PRPS1: variants seen among roughly 807,000 people sequenced by gnomAD.
PRPS1 encodes phosphoribosyl pyrophosphate synthetase 1.
Under a neutral mutation model 16.9 loss-of-function variants are expected in PRPS1, and 1 was observed. The ratio of observed to expected loss-of-function variants is 0.06; its 90% confidence interval spans 0.02 to 0.28. PRPS1 has a LOEUF of 0.28. PRPS1 is among the 10% of genes least tolerant of loss of function. The pLI, the probability that PRPS1 is intolerant of heterozygous loss-of-function variation, is 1.00. For missense variants in PRPS1, 47 were observed against 254.0 expected, an observed-to-expected ratio of 0.19 and a Z score of 5.54; for synonymous variants, 70 against 90.2, an observed-to-expected ratio of 0.78 and a Z score of 1.27.
chrX:107,644,781 C>A (rs1369617079), intron 4 of PRPS1, among the ~76,000 whole-genome samples: 1 of 111,329 alleles, frequency 9.0e-6, no homozygotes, highest in East Asian at 2.8e-4. Flanking sequence ...TTCTCCTCCC[C>A]AAAACAAGCC....
At chrX:107,636,118 GTTTGT>G (rs1020365675) in intron 1 of PRPS1, among the ~76,000 whole-genome samples, 1 of 107,788 alleles carries the variant, frequency 9.3e-6, no homozygotes, top group Admixed American at 1.0e-4. Context: ...ACCACTGCCT[GTTTGT>G]TTTGTTTTGT....
intron 1 of PRPS1, among the ~76,000 whole-genome samples, chrX:107,629,526 A>G (rs1925263034): frequency 8.9e-6 from 1 of 112,349 alleles, no homozygotes; most frequent in South Asian, 3.7e-4. Flanking sequence ...CGTATTTTTC[A>G]GTAACCGAGT....
intron 4 of PRPS1, 155 bp downstream of exon 4, chrX:107,642,645 T>TC (rs1925600878): frequency 1.5e-6 from 1 of 659,413 alleles, no homozygotes. Context: ...TTTTACCCTT[T>TC]CCTCTTTTAC....
Position 107,629,004 on chromosome X carries a change from C to T in PRPS1, c.122+254C>T, listed in dbSNP as rs138384709. On this transcript the variant is annotated intron_variant, in intron 1 of 6. Coordinates refer to ENST00000372435, the MANE Select transcript of PRPS1 (RefSeq NM_002764.4). ...AAGCTTCTGCGTTTGAGGGCAAGGG[C>T]TGGGGGACCCAATAGATAGTGGCTG... 7.2e-3 allele frequency among the ~76,000 whole-genome samples: 804 copies of T among 111,264 alleles called. 7 individuals are homozygous for T. Among genetic ancestry groups the T allele is most frequent in the African/African-American group, 0.025 (750 of 30,603 alleles).
intron 6 of PRPS1, among the ~76,000 whole-genome samples, chrX:107,648,950 G>A (rs1473842171): frequency 1.8e-5 from 2 of 109,996 alleles, no homozygotes; most frequent in African/African-American, 6.6e-5. Context: ...GTAGAGATGG[G>A]GTTTCTCCAT....
chrX:107,640,732 G>T (rs17847389), intron 2 of PRPS1, among the ~76,000 whole-genome samples, 170 bp from the exon 3 acceptor site: 1,468 of 112,192 alleles, frequency 0.013, 31 homozygotes, highest in Admixed American at 0.077. Flanking sequence ...CTTAATATTT[G>T]TTCTGAATTA....
At chrX:107,645,622 G>C (rs939392397) in intron 5 of PRPS1, among the ~76,000 whole-genome samples, 1 of 110,732 alleles carries the variant, frequency 9.0e-6, no homozygotes, top group Non-Finnish European at 1.9e-5. Context: ...ATAATTCCAT[G>C]ACATTAACTA....
intron 5 of PRPS1, 80 bp downstream of exon 5, chrX:107,645,430 C>G: frequency 9.0e-7 from 1 of 1,112,820 alleles, no homozygotes; most frequent in South Asian, 1.8e-5. Flanking sequence ...CCTGCTGATT[C>G]CTTTTGGAAC....
Position 107,628,758 on chromosome X carries a change from C to A in PRPS1, c.122+8C>A. The A allele has an allele frequency of 1.7e-6, 2 of 1,211,181 alleles. No individual in the cohort carries two copies. The highest frequency in any genetic ancestry group is 2.2e-6 in the Non-Finnish European group (2 of 895,248). On this transcript the variant is annotated splice_region_variant and intron_variant, in intron 1 of 6. Transcript: ENST00000372435. Reference sequence around the variant, plus strand: ...CAGCAACCAGGAGACCTGGTAAGGACCAAGTTGGGACCCTGACTAGACCTC... The same window carrying A: ...CAGCAACCAGGAGACCTGGTAAGGAACAAGTTGGGACCCTGACTAGACCTC...
At chrX:107,647,222 T>G (rs149278242) in intron 5 of PRPS1, among the ~76,000 whole-genome samples, 1 of 112,281 alleles carries the variant, frequency 8.9e-6, no homozygotes, top group African/African-American at 3.2e-5. Flanking sequence ...TGGCCAGCAT[T>G]TCCCCATGCG....
chrX:107,647,040 C>T (rs1169368640), intron 5 of PRPS1, among the ~76,000 whole-genome samples: 1 of 112,548 alleles, frequency 8.9e-6, no homozygotes, highest in Non-Finnish European at 1.9e-5. Flanking sequence ...AGTTCTTTCT[C>T]GATATGGACT....
chrX:107,648,883 C>A (rs1239359438), intron 6 of PRPS1, among the ~76,000 whole-genome samples: 2 of 111,120 alleles, frequency 1.8e-5, no homozygotes, highest in Non-Finnish European at 3.8e-5. Context: ...CCTCAGCCTC[C>A]CAAGTAGCTG....
chrX:107,643,757 G>T (rs1225695800), intron 4 of PRPS1, among the ~76,000 whole-genome samples: 1 of 111,789 alleles, frequency 8.9e-6, no homozygotes, highest in Admixed American at 9.5e-5. Flanking sequence ...CATTTGCCTT[G>T]GGTAAGTAAT....
chrX:107,647,488 T>A (rs1285742452), intron 5 of PRPS1, 118 bp from the exon 6 acceptor site: 5 of 848,087 alleles, frequency 5.9e-6, no homozygotes, highest in East Asian at 3.4e-5. Flanking sequence ...TTTATTTTTT[T>A]ATTTTTTTTC....
chrX:107,641,808 T>TA (rs978175956), intron 3 of PRPS1, among the ~76,000 whole-genome samples: 1 of 112,444 alleles, frequency 8.9e-6, no homozygotes, highest in Admixed American at 9.4e-5. Context: ...TTCAATGAAG[T>TA]ACATTGGACA....
At chrX:107,635,628 T>C (rs1282773427) in intron 1 of PRPS1, among the ~76,000 whole-genome samples, 5 of 110,462 alleles carry the variant, frequency 4.5e-5, no homozygotes, top group African/African-American at 1.7e-4. Flanking sequence ...GAGGTCTCTT[T>C]ATGTTACCCA....
intron 1 of PRPS1, among the ~76,000 whole-genome samples, chrX:107,636,056 CAA>C (rs965370775): frequency 8.0e-3 from 346 of 43,281 alleles, no homozygotes; most frequent in Non-Finnish European, 0.012. Context: ...GAGACTGTCT[CAA>C]AAAAAAAAAA....
In PRPS1 at chrX:107,636,209, G is replaced by A. The variant is rs190639554; in HGVS notation, c.123-3086G>A. ...TTCATCTCCCCATACTGCAACCTCCGCCTCCCAGGTTCAAGCGATTCTCCT... is the reference window on the plus strand; with the variant it reads ...TTCATCTCCCCATACTGCAACCTCCACCTCCCAGGTTCAAGCGATTCTCCT... On this transcript the variant is annotated intron_variant, in intron 1 of 6. Coordinates refer to ENST00000372435, the MANE Select transcript of PRPS1 (RefSeq NM_002764.4). Among the ~76,000 whole-genome samples, 596 of 110,392 alleles carry A rather than the reference G, an allele frequency of 5.4e-3. 1 individual carries two copies. The highest frequency in any genetic ancestry group is 8.3e-3 in the Admixed American group (86 of 10,380).
At chrX:107,645,841 ACTT>A (rs1454131457) in intron 5 of PRPS1, among the ~76,000 whole-genome samples, 4 of 110,737 alleles carry the variant, frequency 3.6e-5, no homozygotes, top group African/African-American at 1.3e-4. Context: ...GTTCATTATT[ACTT>A]CTTTTTTTCA....
Sources: gnomAD v4.1 joint callset for allele counts (sites outside exome capture counted in the v4.1 genomes callset) on GRCh38, gnomAD v4.1.1 for gene constraint, MANE v1.5 for transcripts, NCBI Gene and HGNC (gene_info 2026-07-23, HGNC 2026-07-21) for gene names.